PLA2G4A: variants seen among roughly 807,000 people sequenced by gnomAD.
PLA2G4A encodes phospholipase A2 group IVA, also known as cytosolic phospholipase A2.
PLA2G4A carries 40 observed loss-of-function variants against 81.9 expected under a neutral mutation model. The observed-to-expected ratio is 0.49, with a 90% CI of 0.38 to 0.64. The LOEUF (loss-of-function observed/expected upper bound fraction) is 0.64. PLA2G4A is among the 30% of genes least tolerant of loss of function. The pLI, the probability that PLA2G4A is intolerant of heterozygous loss-of-function variation, is 0.00. For missense variants in PLA2G4A, 715 were observed against 905.1 expected, an observed-to-expected ratio of 0.79 and a Z score of 2.69; for synonymous variants, 302 against 296.9, an observed-to-expected ratio of 1.02 and a Z score of -0.18.
chr1:186,850,129 T>G (rs1282401054), intron 1 of PLA2G4A, among the ~76,000 whole-genome samples: 6 of 152,180 alleles, frequency 3.9e-5, no homozygotes, highest in Non-Finnish European at 7.4e-5. Flanking sequence ...TACCAGCATT[T>G]AAACAAAAGT....
intron 1 of PLA2G4A, among the ~76,000 whole-genome samples, chr1:186,836,478 T>C (rs1651781977): frequency 6.6e-6 from 1 of 152,126 alleles, no homozygotes; most frequent in Non-Finnish European, 1.5e-5. Flanking sequence ...ATAATTTCTA[T>C]ATACCATTTT....
At position 186,917,258 on chromosome 1, in the gene PLA2G4A, ATTGT is replaced by A. The variant is rs1419225158; in HGVS notation, c.558+5874_558+5877del. The stretch of plus-strand genomic sequence containing the variant: ...ACACCTCTCATTTACCCAAGTTGAG[ATTGT>A]TTGTGTAATTTTTCCTAAAGCCTGT... On this transcript the variant is annotated intron_variant, in intron 7 of 17. Transcript: ENST00000367466. Among the ~76,000 whole-genome samples, 9 of 152,034 alleles carry A rather than the reference ATTGT, an allele frequency of 5.9e-5. 1 individual carries two copies. Among genetic ancestry groups the A allele is most frequent in the Non-Finnish European group, 2.9e-5 (2 of 68,002 alleles).
chr1:186,916,523 C>G (rs896042465), intron 7 of PLA2G4A, among the ~76,000 whole-genome samples: 2 of 152,164 alleles, frequency 1.3e-5, no homozygotes, highest in African/African-American at 4.8e-5. Flanking sequence ...AATGATAGCA[C>G]AGGCATCAAA....
At chr1:186,851,945 CA>C (rs1652387800) in intron 1 of PLA2G4A, among the ~76,000 whole-genome samples, 1 of 151,724 alleles carries the variant, frequency 6.6e-6, no homozygotes, top group Non-Finnish European at 1.5e-5. Context: ...TGTAAGACAG[CA>C]TAGTAGAACA....
intron 5 of PLA2G4A, among the ~76,000 whole-genome samples, chr1:186,904,358 T>G (rs1479930261): frequency 2.0e-5 from 3 of 152,242 alleles, no homozygotes; most frequent in African/African-American, 7.2e-5. Context: ...CATGGAAGCC[T>G]GTAATGCAGA....
chr1:186,848,738 C>T (rs1383585505), intron 1 of PLA2G4A, among the ~76,000 whole-genome samples: 1 of 152,006 alleles, frequency 6.6e-6, no homozygotes, highest in Non-Finnish European at 1.5e-5. Context: ...CACACACACA[C>T]ACACACATAC....
intron 1 of PLA2G4A, among the ~76,000 whole-genome samples, chr1:186,837,250 A>AT (rs1296080851): frequency 1.3e-5 from 2 of 152,112 alleles, no homozygotes; most frequent in East Asian, 3.9e-4. Context: ...GGAAGAAGGA[A>AT]TTTACAAATG....
chr1:186,880,683 T>C (rs1653697798), intron 3 of PLA2G4A, among the ~76,000 whole-genome samples: 2 of 152,034 alleles, frequency 1.3e-5, no homozygotes, highest in African/African-American at 4.8e-5. Flanking sequence ...TTTAAATCCA[T>C]ATAGCTAAAA....
chr1:186,896,324 T>C (rs1251553167), intron 5 of PLA2G4A, among the ~76,000 whole-genome samples: 1 of 152,218 alleles, frequency 6.6e-6, no homozygotes, highest in Non-Finnish European at 1.5e-5. Flanking sequence ...AAAGTAGTTA[T>C]GAGCATTCTG....
chr1:186,949,389 A>AAG (rs1401623650), intron 12 of PLA2G4A, among the ~76,000 whole-genome samples: 40 of 38,048 alleles, frequency 1.1e-3, no homozygotes, highest in Admixed American at 9.0e-3. Context: ...GAAAGAAAGA[A>AAG]AAAAGAAAAA....
chr1:186,939,682 C>CGCCT (rs1393269356), intron 9 of PLA2G4A, among the ~76,000 whole-genome samples: 1 of 152,076 alleles, frequency 6.6e-6, no homozygotes, highest in Non-Finnish European at 1.5e-5. Context: ...AGCAGAGGAG[C>CGCCT]GCCTGTGACA....
intron 7 of PLA2G4A, among the ~76,000 whole-genome samples, chr1:186,912,709 TA>T (rs1654990132): frequency 1.4e-5 from 2 of 146,404 alleles, no homozygotes; most frequent in Non-Finnish European, 3.0e-5. Context: ...TACTTATTCA[TA>T]TATATGTATA....
chr1:186,915,474 T>C (rs1655104449), intron 7 of PLA2G4A, among the ~76,000 whole-genome samples: 1 of 152,198 alleles, frequency 6.6e-6, no homozygotes, highest in Non-Finnish European at 1.5e-5. Flanking sequence ...TGTATGATTC[T>C]CTCAGGGGGC....
At chr1:186,893,279 C>G in intron 4 of PLA2G4A, 120 bp downstream of exon 4, 1 of 838,106 alleles carries the variant, frequency 1.2e-6, no homozygotes, top group South Asian at 1.3e-5. Context: ...GACTGGGCAG[C>G]TTGGTAGACT....
At chr1:186,884,585 A>G (rs1558399514) in intron 3 of PLA2G4A, among the ~76,000 whole-genome samples, 1 of 152,136 alleles carries the variant, frequency 6.6e-6, no homozygotes, top group Admixed American at 6.6e-5. Flanking sequence ...CTCAGAAGAG[A>G]AATAAGCCAG....
At chr1:186,919,067 ATAGAGTG>A (rs1218713794) in intron 7 of PLA2G4A, among the ~76,000 whole-genome samples, 2 of 152,218 alleles carry the variant, frequency 1.3e-5, no homozygotes, top group Non-Finnish European at 1.5e-5. Flanking sequence ...TTTCTGACAC[ATAGAGTG>A]TAAAGGGCTT....
At chr1:186,914,594 C>G (rs1397792049) in intron 7 of PLA2G4A, among the ~76,000 whole-genome samples, 1 of 152,028 alleles carries the variant, frequency 6.6e-6, no homozygotes, top group Non-Finnish European at 1.5e-5. Flanking sequence ...GCTGCATGCA[C>G]CAGTAATTAG....
intron 7 of PLA2G4A, among the ~76,000 whole-genome samples, chr1:186,925,638 C>A (rs180978128): frequency 5.3e-5 from 8 of 152,272 alleles, no homozygotes; most frequent in Admixed American, 4.6e-4. Context: ...CTCTCCCATC[C>A]TTTAATGAGC....
chr1:186,971,741 T>C (rs1027448812), intron 15 of PLA2G4A, among the ~76,000 whole-genome samples: 1 of 152,012 alleles, frequency 6.6e-6, no homozygotes, highest in Non-Finnish European at 1.5e-5. Flanking sequence ...AATATTATAC[T>C]ATCAATACTA....
Sources: gnomAD v4.1 joint callset for allele counts (sites outside exome capture counted in the v4.1 genomes callset) on GRCh38, gnomAD v4.1.1 for gene constraint, MANE v1.5 for transcripts, NCBI Gene and HGNC (gene_info 2026-07-23, HGNC 2026-07-21) for gene names.